Variants in SDC2 observed in about 807,000 individuals in gnomAD.
SDC2 encodes syndecan 2, also known as syndecan-2.
SDC2 carries 13 observed loss-of-function variants against 22.2 expected under a neutral mutation model. The observed-to-expected ratio is 0.59, with a 90% CI of 0.38 to 0.93. The LOEUF (loss-of-function observed/expected upper bound fraction) is 0.93, where lower values mean the gene tolerates loss of function less well. Ranked by LOEUF, SDC2 falls within the 40% of genes least tolerant of loss-of-function variation. SDC2 has a pLI of 0.00. For missense variants in SDC2, 235 were observed against 246.8 expected (o/e 0.95, Z 0.32); for synonymous variants, 94 against 92.8 (o/e 1.01, Z -0.07).
intron 2 of SDC2, among the ~76,000 whole-genome samples, chr8:96,597,130 G>T (rs1161603377): frequency 2.6e-5 from 4 of 152,242 alleles, no homozygotes; most frequent in Admixed American, 2.6e-4. Context: ...TTCAGGAACA[G>T]ATGGGGCTGG....
chr8:96,570,054 A>G (rs1427093833), intron 1 of SDC2, among the ~76,000 whole-genome samples: 1 of 152,218 alleles, frequency 6.6e-6, no homozygotes, highest in Non-Finnish European at 1.5e-5. Context: ...AGTGCTAGGC[A>G]TTGTTGAAAG....
chr8:96,535,006 A>G (rs1439759010), intron 1 of SDC2, among the ~76,000 whole-genome samples: 1 of 142,930 alleles, frequency 7.0e-6, no homozygotes, highest in Non-Finnish European at 1.5e-5. Context: ...ATGCCAAACA[A>G]TTTTTTTTTT....
At chr8:96,542,489 T>C (rs1370741199) in intron 1 of SDC2, among the ~76,000 whole-genome samples, 3 of 152,324 alleles carry the variant, frequency 2.0e-5, no homozygotes, top group African/African-American at 7.2e-5. Context: ...TCTTTAGCAG[T>C]GAAGGCTAGA....
chr8:96,500,519 G>T (rs35727647), intron 1 of SDC2, among the ~76,000 whole-genome samples: 1 of 151,630 alleles, frequency 6.6e-6, no homozygotes, highest in African/African-American at 2.4e-5. Flanking sequence ...AAAATTAGCC[G>T]GGCGTGGTGA....
chr8:96,529,930 T>A (rs1416095551), intron 1 of SDC2, among the ~76,000 whole-genome samples: 1 of 152,170 alleles, frequency 6.6e-6, no homozygotes, highest in African/African-American at 2.4e-5. Context: ...ATTACCGCCT[T>A]CCCTCTCCCA....
intron 1 of SDC2, among the ~76,000 whole-genome samples, chr8:96,576,224 A>G (rs1164258810): frequency 6.6e-6 from 1 of 151,958 alleles, no homozygotes; most frequent in Non-Finnish European, 1.5e-5. Flanking sequence ...TTAGTGATTA[A>G]TACCAGCTCT....
chr8:96,530,812 CCACA>C (rs1213817550), intron 1 of SDC2, among the ~76,000 whole-genome samples: 7 of 152,258 alleles, frequency 4.6e-5, no homozygotes, highest in Non-Finnish European at 8.8e-5. Context: ...GTTTATAGAA[CCACA>C]TAACAGTTGG....
At chr8:96,583,171 T>C (rs2130609474) in intron 1 of SDC2, among the ~76,000 whole-genome samples, 2 of 149,754 alleles carry the variant, frequency 1.3e-5, no homozygotes, top group South Asian at 4.2e-4. Flanking sequence ...TGGCTGATCT[T>C]GAACTCCTGA....
intron 1 of SDC2, among the ~76,000 whole-genome samples, chr8:96,528,824 G>A (rs531308725): frequency 2.3e-4 from 35 of 152,172 alleles, no homozygotes; most frequent in Non-Finnish European, 4.4e-4. Context: ...TAATATCCCA[G>A]AAGAAGACCA....
intron 1 of SDC2, among the ~76,000 whole-genome samples, chr8:96,575,976 AC>A (rs1308658507): frequency 3.9e-5 from 6 of 152,088 alleles, no homozygotes; most frequent in African/African-American, 1.4e-4. Flanking sequence ...CTTCCCCCTT[AC>A]CGTTGTCAAA....
chr8:96,594,544 C>A (rs1420330819), intron 2 of SDC2, among the ~76,000 whole-genome samples: 1 of 152,174 alleles, frequency 6.6e-6, no homozygotes, highest in Non-Finnish European at 1.5e-5. Flanking sequence ...ACAGACTCCA[C>A]CTCTTAGTGA....
chr8:96,587,872 G>A (rs1301401026), intron 1 of SDC2, among the ~76,000 whole-genome samples: 1 of 152,040 alleles, frequency 6.6e-6, no homozygotes, highest in African/African-American at 2.4e-5. Context: ...GACGAGGTAG[G>A]CAGCATGTTG....
At chr8:96,536,685 C>T (rs1271341855) in intron 1 of SDC2, among the ~76,000 whole-genome samples, 1 of 152,152 alleles carries the variant, frequency 6.6e-6, no homozygotes, top group East Asian at 1.9e-4. Context: ...GGGGATGTAG[C>T]AACAGTCAGC....
intron 1 of SDC2, among the ~76,000 whole-genome samples, chr8:96,532,953 G>A (rs1448582240): frequency 2.0e-5 from 3 of 152,194 alleles, no homozygotes; most frequent in African/African-American, 7.2e-5. Flanking sequence ...GAATTGGTGG[G>A]TTCTTGGTCT....
intron 1 of SDC2, among the ~76,000 whole-genome samples, chr8:96,522,360 G>A (rs2130462823): frequency 6.6e-6 from 1 of 151,494 alleles, no homozygotes; most frequent in South Asian, 2.1e-4. Flanking sequence ...AATTTTTCAA[G>A]TGGTTACCTA....
rs917973430 is a variant in SDC2 at position 96,504,254 on chromosome 8, A to T, written c.60+9923A>T. The stretch of plus-strand genomic sequence containing the variant: ...AGGAACCAAAAGGCCTCTGTTTACA[A>T]AGTTGTTAGGCAACAGTCTCTAGTT... On this transcript the variant is annotated intron_variant, in intron 1 of 4. Coordinates refer to ENST00000302190, the MANE Select transcript of SDC2 (RefSeq NM_002998.4). Among the ~76,000 whole-genome samples, 7 of 152,252 alleles carry T rather than the reference A, an allele frequency of 4.6e-5. No homozygotes were observed. In the East Asian group the frequency reaches 1.3e-3, roughly 29 times the overall value.
At chr8:96,534,078 C>T (rs373979270) in intron 1 of SDC2, among the ~76,000 whole-genome samples, 7 of 152,212 alleles carry the variant, frequency 4.6e-5, no homozygotes, top group South Asian at 2.1e-4. Flanking sequence ...TGCCCGGGGC[C>T]GGCGGTGCCC....
At chr8:96,583,685 A>ATGTGTGTGTGTGTG (rs3064977) in intron 1 of SDC2, among the ~76,000 whole-genome samples, 1 of 142,532 alleles carries the variant, frequency 7.0e-6, no homozygotes, top group Non-Finnish European at 1.5e-5. Flanking sequence ...TTTGAAATAT[A>ATGTGTGTGTGTGTG]TGTGTGTGTG....
chr8:96,496,407 G>A (rs1813075861), intron 1 of SDC2, among the ~76,000 whole-genome samples: 1 of 152,182 alleles, frequency 6.6e-6, no homozygotes, highest in South Asian at 2.1e-4. Context: ...TCCAAAAAGG[G>A]TGATTAGATA....
Sources: allele counts gnomAD v4.1 joint callset (sites outside exome capture counted in the v4.1 genomes callset), GRCh38; gene constraint gnomAD v4.1.1; transcripts MANE v1.5; gene names NCBI Gene and HGNC (gene_info 2026-07-23, HGNC 2026-07-21).